Variants in AR observed in about 807,000 individuals in gnomAD.
AR encodes the protein dihydrotestosterone receptor.
Under a neutral mutation model 53.9 loss-of-function variants are expected in AR, and 8 were observed. The ratio of observed to expected loss-of-function variants is 0.15; its 90% CI spans 0.09 to 0.27. The LOEUF (loss-of-function observed/expected upper bound fraction) is 0.27, where lower values mean the gene tolerates loss of function less well. Among genes scored for constraint, AR ranks in the 10% least tolerant of loss-of-function variants. The probability of loss-of-function intolerance (pLI) is 1.00; values close to 1 mark genes in which losing one functional copy is unlikely to be tolerated. For missense variants in AR, 639 were observed against 742.5 expected (o/e 0.86, Z 1.62); for synonymous variants, 359 against 316.4 (o/e 1.13, Z -1.43).
intron 3 of AR, among the ~76,000 whole-genome samples, chrX:67,686,327 C>T (rs1363044889): frequency 9.0e-6 from 1 of 111,256 alleles, no homozygotes; most frequent in Admixed American, 9.5e-5. Flanking sequence ...ATACCAATCC[C>T]CATTCCGGGG....
In AR at chrX:67,545,199, C is replaced by G. The variant is rs2147313907; in HGVS notation, c.53C>G (p.Thr18Ser). 2.5e-6 allele frequency: 3 copies of G among 1,204,940 alleles called. No homozygotes were observed. Among genetic ancestry groups the G allele is most frequent in the Non-Finnish European group, 3.4e-6 (3 of 893,907 alleles). Reference protein sequence around the residue: ...GRVYPRPPSKTYRGAFQNLFQ... With the variant: ...GRVYPRPPSKSYRGAFQNLFQ... ...GTCTACCCTCGGCCGCCGTCCAAGA[C>G]CTACCGAGGAGCTTTCCAGAATCTG... Residue 18 changes from threonine (T) to serine (S), a missense_variant, in exon 1 of 8, where the codon ACC becomes AGC. Thr to Ser is a moderately conservative substitution (Grantham distance 58, BLOSUM62 1). Coordinates refer to ENST00000374690, the MANE Select transcript of AR (RefSeq NM_000044.6).
chrX:67,563,065 G>GTT (rs1921405221), intron 1 of AR, among the ~76,000 whole-genome samples: 1 of 111,637 alleles, frequency 9.0e-6, no homozygotes, highest in African/African-American at 3.3e-5. Context: ...TAGGGCAAAG[G>GTT]TTTGAACTCA....
chrX:67,729,101 C>T lies in AR; in HGVS notation c.*5260C>T. On this transcript the variant is annotated 3_prime_UTR_variant, in exon 8 of 8. Transcript: ENST00000374690. ...AGCGCTCTATCTTTCACACAAATTC[C>T]CTCACCTGAGATTGAGGTGCTCTTG... The T allele has an allele frequency of 5.7e-6, 1 of 175,826 alleles. No individual in the cohort carries two copies. Among genetic ancestry groups the T allele is most frequent in the East Asian group, 8.0e-5 (1 of 12,424 alleles). The allele number at this position is 175,826 out of a possible 1,213,427, so 14.5% of individuals were successfully genotyped here.
chrX:67,589,181 T>C (rs1922708814), intron 1 of AR, among the ~76,000 whole-genome samples: 1 of 108,628 alleles, frequency 9.2e-6, no homozygotes, highest in Non-Finnish European at 1.9e-5. Context: ...GAGAATGGCG[T>C]GAACCCGGGA....
intron 1 of AR, among the ~76,000 whole-genome samples, chrX:67,582,771 T>C (rs1165075858): frequency 9.0e-6 from 1 of 111,616 alleles, no homozygotes; most frequent in Admixed American, 9.5e-5. Context: ...AATTTTCATA[T>C]ATAGCTATAA....
chrX:67,697,947 A>G (rs901998094), intron 3 of AR, among the ~76,000 whole-genome samples: 4 of 111,437 alleles, frequency 3.6e-5, no homozygotes, highest in African/African-American at 1.3e-4. Context: ...TCTGCCTTCT[A>G]CTCTCAGACA....
At chrX:67,557,513 G>A (rs1921110039) in intron 1 of AR, among the ~76,000 whole-genome samples, 1 of 111,928 alleles carries the variant, frequency 8.9e-6, no homozygotes, top group Non-Finnish European at 1.9e-5. Flanking sequence ...CTCATGCAGT[G>A]CCTTCAGCTT....
At chrX:67,554,915 C>CA (rs749297941) in intron 1 of AR, among the ~76,000 whole-genome samples, 2,776 of 56,948 alleles carry the variant, frequency 0.049, 53 homozygotes, top group Non-Finnish European at 0.063. Flanking sequence ...CAGGCTCCGT[C>CA]AAAAAAAAAA....
At chrX:67,574,411 T>C (rs1921956696) in intron 1 of AR, among the ~76,000 whole-genome samples, 1 of 110,564 alleles carries the variant, frequency 9.0e-6, no homozygotes, top group African/African-American at 3.3e-5. Flanking sequence ...AATGGAAATA[T>C]ACTCAAGTGC....
intron 2 of AR, among the ~76,000 whole-genome samples, chrX:67,661,716 A>C (rs1479198775): frequency 9.0e-5 from 10 of 111,485 alleles, no homozygotes; most frequent in Middle Eastern, 4.2e-3. Flanking sequence ...AAAATGAGTT[A>C]GGGAGGATTC....
At chrX:67,637,493 C>T (rs1464716829) in intron 1 of AR, among the ~76,000 whole-genome samples, 1 of 108,627 alleles carries the variant, frequency 9.2e-6, no homozygotes, top group Non-Finnish European at 1.9e-5. Context: ...CATGTCCCTA[C>T]AAAGGACATG....
intron 1 of AR, among the ~76,000 whole-genome samples, chrX:67,631,326 G>A: frequency 9.0e-6 from 1 of 111,283 alleles, no homozygotes; most frequent in Middle Eastern, 4.7e-3. Context: ...TTTCTTGGAG[G>A]CTTTGCTCGT....
intron 1 of AR, among the ~76,000 whole-genome samples, chrX:67,628,794 AT>A (rs1377305948): frequency 9.0e-6 from 1 of 111,694 alleles, no homozygotes; most frequent in Non-Finnish European, 1.9e-5. Flanking sequence ...AGCTCTTATT[AT>A]TTTAAAATAC....
At chrX:67,619,361 G>A (rs1420069894) in intron 1 of AR, among the ~76,000 whole-genome samples, 1 of 110,252 alleles carries the variant, frequency 9.1e-6, no homozygotes, top group Non-Finnish European at 1.9e-5. Context: ...GTAATTGTAG[G>A]AACTATTTAG....
intron 1 of AR, among the ~76,000 whole-genome samples, chrX:67,557,198 G>A (rs183796109): frequency 1.8e-5 from 2 of 111,298 alleles, no homozygotes; most frequent in East Asian, 5.7e-4. Context: ...AGAGGTGACC[G>A]TGTCTCAGAC....
chrX:67,663,628 T>A (rs1602236629), intron 2 of AR, among the ~76,000 whole-genome samples: 1 of 111,770 alleles, frequency 8.9e-6, no homozygotes, highest in East Asian at 2.8e-4. Context: ...TCAAGGAGTA[T>A]CTTTGTGGTG....
intron 1 of AR, among the ~76,000 whole-genome samples, chrX:67,559,326 T>G (rs1331238594): frequency 8.9e-6 from 1 of 112,056 alleles, no homozygotes; most frequent in Non-Finnish European, 1.9e-5. Flanking sequence ...CCTGTCTCCA[T>G]CAACAAGATT....
At chrX:67,702,335 T>TAGCAGGGG (rs1416209387) in intron 3 of AR, among the ~76,000 whole-genome samples, 1 of 111,317 alleles carries the variant, frequency 9.0e-6, no homozygotes, top group Admixed American at 9.5e-5. Context: ...GTAGGAACTG[T>TAGCAGGGG]AGCAGGGGAG....
At chrX:67,564,062 A>G (rs1921450762) in intron 1 of AR, among the ~76,000 whole-genome samples, 1 of 111,871 alleles carries the variant, frequency 8.9e-6, no homozygotes, top group Middle Eastern at 4.6e-3. Flanking sequence ...CTCTTAGCAT[A>G]TAGGGAGAGA....
Sources: allele counts gnomAD v4.1 joint callset (sites outside exome capture counted in the v4.1 genomes callset), GRCh38; gene constraint gnomAD v4.1.1; transcripts MANE v1.5; gene names NCBI Gene and HGNC (gene_info 2026-07-23, HGNC 2026-07-21).